CDH13: variants seen among roughly 807,000 people sequenced by gnomAD.
The protein encoded by CDH13 is cadherin-13.
CDH13 carries 24 observed loss-of-function variants against 63.8 expected under a neutral mutation model. The observed-to-expected ratio is 0.38, with a 90% CI of 0.27 to 0.53. The LOEUF is 0.53. Among genes scored for constraint, CDH13 ranks in the 20% least tolerant of loss-of-function variants. The probability of loss-of-function intolerance (pLI) is 0.85; values close to 1 mark genes in which losing one functional copy is unlikely to be tolerated. For synonymous variants in CDH13, 503 were observed against 355.3 expected (o/e 1.42, Z -4.67); for missense variants, 1,049 against 903.1 (o/e 1.16, Z -2.07).
chr16:83,116,691 T>C (rs745465650), intron 3 of CDH13, among the ~76,000 whole-genome samples: 1 of 152,250 alleles, frequency 6.6e-6, no homozygotes, highest in Admixed American at 6.5e-5. Context: ...TAAAATTATA[T>C]GTGGTGAGGA....
At chr16:82,820,444 A>T (rs1567568507) in intron 1 of CDH13, among the ~76,000 whole-genome samples, 1 of 152,182 alleles carries the variant, frequency 6.6e-6, no homozygotes, top group Non-Finnish European at 1.5e-5. Flanking sequence ...CAGGTAATGA[A>T]ACTGAGGCAC....
At chr16:83,233,588 A>G (rs534051995) in intron 5 of CDH13, among the ~76,000 whole-genome samples, 26 of 152,214 alleles carry the variant, frequency 1.7e-4, no homozygotes, top group African/African-American at 5.8e-4. Flanking sequence ...ACCTTTTCCA[A>G]CTTTTGGGGG....
chr16:83,076,376 C>T (rs2032835001), intron 3 of CDH13, among the ~76,000 whole-genome samples: 1 of 152,144 alleles, frequency 6.6e-6, no homozygotes, highest in South Asian at 2.1e-4. Flanking sequence ...GAGCTTGTTG[C>T]TGGGGATTGG....
At chr16:83,287,464 C>T (rs186944777) in intron 5 of CDH13, among the ~76,000 whole-genome samples, 6 of 151,856 alleles carry the variant, frequency 4.0e-5, no homozygotes, top group African/African-American at 1.5e-4. Context: ...GCTCCACCTC[C>T]TGTCAGATCA....
chr16:82,717,133 A>G (rs748142494), intron 1 of CDH13, among the ~76,000 whole-genome samples: 5 of 152,030 alleles, frequency 3.3e-5, no homozygotes, highest in Non-Finnish European at 7.4e-5. Context: ...TCTGCCTTTC[A>G]TTCAACAGGA....
chr16:82,783,390 G>A (rs1011058583), intron 1 of CDH13, among the ~76,000 whole-genome samples: 1 of 152,212 alleles, frequency 6.6e-6, no homozygotes, highest in African/African-American at 2.4e-5. Flanking sequence ...CATTAACTCA[G>A]CTAGATTAAC....
intron 10 of CDH13, among the ~76,000 whole-genome samples, chr16:83,705,983 A>G (rs1385124604): frequency 6.6e-6 from 1 of 152,088 alleles, no homozygotes; most frequent in Non-Finnish European, 1.5e-5. Context: ...ACACAAACTT[A>G]GTGACTGGAA....
chr16:82,723,738 A>AT (rs1448784334), intron 1 of CDH13, among the ~76,000 whole-genome samples: 2 of 152,170 alleles, frequency 1.3e-5, no homozygotes, highest in Non-Finnish European at 2.9e-5. Flanking sequence ...TTTTGGAGTT[A>AT]TTTTCTTTTT....
Position 83,188,040 on chromosome 16 carries a change from A to G in CDH13, c.484-29305A>G, listed in dbSNP as rs562228904. 8.5e-5 allele frequency among the ~76,000 whole-genome samples: 13 copies of G among 152,318 alleles called. No homozygotes were observed. In the East Asian group the frequency reaches 2.3e-3, roughly 27 times the overall value. The stretch of plus-strand genomic sequence containing the variant: ...AGGAAGGCTGGTATGGCTGAAGCAG[A>G]GGGAGCAAGGGAATGTTAGATAGGA... On this transcript the variant is annotated intron_variant, in intron 4 of 13. Transcript: ENST00000567109.
chr16:83,552,406 G>A (rs1182807591), intron 7 of CDH13, among the ~76,000 whole-genome samples: 2 of 152,174 alleles, frequency 1.3e-5, no homozygotes, highest in Admixed American at 1.3e-4. Flanking sequence ...AGTTCCAGTG[G>A]AGGATGCACC....
intron 5 of CDH13, among the ~76,000 whole-genome samples, chr16:83,225,367 T>C (rs915676863): frequency 7.9e-5 from 12 of 152,208 alleles, no homozygotes; most frequent in African/African-American, 2.9e-4. Context: ...CAATTCCAAC[T>C]CTTCCAAACT....
chr16:83,665,065 T>C (rs1222215882), intron 8 of CDH13, among the ~76,000 whole-genome samples: 4 of 152,320 alleles, frequency 2.6e-5, no homozygotes, highest in Non-Finnish European at 4.4e-5. Context: ...CTAATGCCGC[T>C]TTCCCTTCCA....
intron 6 of CDH13, among the ~76,000 whole-genome samples, chr16:83,426,584 A>G (rs1410769848): frequency 1.3e-5 from 2 of 151,712 alleles, no homozygotes; most frequent in African/African-American, 4.8e-5. Context: ...AGCCTCCTGG[A>G]CTGAACAGTC....
At position 83,199,778 on chromosome 16, in the gene CDH13, A is replaced by T. The variant is rs146639972; in HGVS notation, c.484-17567A>T. ...GATGCAGTTCCATTCTGTCCTCCCG[A>T]GGACCTCAGGAATGCAGGTCTATTA... On this transcript the variant is annotated intron_variant, in intron 4 of 13. Coordinates refer to ENST00000567109, the MANE Select transcript of CDH13 (RefSeq NM_001257.5). 1.4e-3 allele frequency among the ~76,000 whole-genome samples: 220 copies of T among 152,310 alleles called. 2 individuals are homozygous for T. The highest frequency in any genetic ancestry group is 5.2e-3 in the African/African-American group (218 of 41,560).
chr16:82,869,983 G>A lies in CDH13; in HGVS notation c.157+11510G>A, dbSNP rs1031353277. ...GAAACAAAAATGGACAAATGGGATC[G>A]TACCAAGTTAAAAACTTCCTGCATA... On this transcript the variant is annotated intron_variant, in intron 2 of 13. Coordinates refer to ENST00000567109, the MANE Select transcript of CDH13 (RefSeq NM_001257.5). 1.4e-4 allele frequency among the ~76,000 whole-genome samples: 21 copies of A among 152,166 alleles called. No homozygotes were observed. The East Asian group carries it at 2.9e-3, about 21-fold the overall frequency.
intron 4 of CDH13, among the ~76,000 whole-genome samples, chr16:83,214,771 G>A (rs914160929): frequency 2.4e-4 from 37 of 151,838 alleles, no homozygotes; most frequent in Admixed American, 8.5e-4. Context: ...TTAAACCCTC[G>A]GCAATGCTGG....
At chr16:83,452,809 T>C (rs192900833) in intron 6 of CDH13, among the ~76,000 whole-genome samples, 10 of 152,346 alleles carry the variant, frequency 6.6e-5, no homozygotes, top group Non-Finnish European at 1.3e-4. Context: ...GATGAAGTGA[T>C]ACTGGAGGTG....
At chr16:82,669,074 C>T (rs935826804) in intron 1 of CDH13, among the ~76,000 whole-genome samples, 4 of 152,188 alleles carry the variant, frequency 2.6e-5, no homozygotes, top group African/African-American at 7.2e-5. Flanking sequence ...ACGGATGAGC[C>T]TTGAACCAGA....
At chr16:83,473,421 T>C (rs1217531956) in intron 6 of CDH13, among the ~76,000 whole-genome samples, 1 of 152,226 alleles carries the variant, frequency 6.6e-6, no homozygotes, top group Non-Finnish European at 1.5e-5. Flanking sequence ...TATTTCACTA[T>C]CCTGGCTCAT....
Sources: gnomAD v4.1 joint callset for allele counts (sites outside exome capture counted in the v4.1 genomes callset) on GRCh38, gnomAD v4.1.1 for gene constraint, MANE v1.5 for transcripts, NCBI Gene and HGNC (gene_info 2026-07-23, HGNC 2026-07-21) for gene names.